JADE1: variants seen among roughly 807,000 people sequenced by gnomAD.
JADE1 encodes protein Jade-1.
In JADE1, 14 loss-of-function variants were observed where a neutral mutation model predicts 81.8. That is an observed-to-expected ratio of 0.17 (90% CI 0.11 to 0.27). JADE1 has a LOEUF of 0.27. Among genes scored for constraint, JADE1 ranks in the 10% least tolerant of loss-of-function variants. The pLI, the probability that JADE1 is intolerant of heterozygous loss-of-function variation, is 1.00. For synonymous variants in JADE1, 353 were observed against 391.9 expected (o/e 0.90, Z 1.17); for missense variants, 690 against 1,047.9 (o/e 0.66, Z 4.71).
intron 2 of JADE1, 60 bp downstream of exon 2, chr4:128,831,870 AT>A: frequency 6.9e-7 from 1 of 1,444,244 alleles, no homozygotes; most frequent in Non-Finnish European, 9.7e-7. Context: ...TAAAAACATG[AT>A]TTTTTAATGT....
chr4:128,812,971 T>C (rs1726615389), intron 1 of JADE1, among the ~76,000 whole-genome samples: 1 of 152,268 alleles, frequency 6.6e-6, no homozygotes. Context: ...CCAAAGGTTT[T>C]TTATTAGGTG....
At chr4:128,861,325 G>A (rs951157616) in intron 8 of JADE1, among the ~76,000 whole-genome samples, 1 of 152,236 alleles carries the variant, frequency 6.6e-6, no homozygotes, top group Non-Finnish European at 1.5e-5. Flanking sequence ...TTCTGAGGAA[G>A]TTAGGGTTTG....
At chr4:128,827,268 G>T (rs1358724260) in intron 1 of JADE1, among the ~76,000 whole-genome samples, 2 of 152,140 alleles carry the variant, frequency 1.3e-5, no homozygotes, top group African/African-American at 4.8e-5. Flanking sequence ...ATTTTTTTCA[G>T]TGATACTATT....
In JADE1 at chr4:128,867,861, G is replaced by A; in HGVS notation, c.1509G>A (p.Arg503=). The change falls in exon 10 of 11, where the codon CGG becomes CGA. Residue 503 remains arginine, a synonymous_variant. Transcript: ENST00000226319. ...THLRQDLERV[R]NLTYMVTRRE... ...CTTTATTCTCTACATTCTAGGTTCG[G>A]AACCTCACTTACATGGTGACCCGCA... is the stretch of plus-strand genomic sequence containing the variant. 11 of 1,608,536 alleles carry A rather than the reference G, an allele frequency of 6.8e-6. No individual in the cohort carries two copies. The highest frequency in any genetic ancestry group is 9.4e-6 in the Non-Finnish European group (11 of 1,175,160).
chr4:128,812,100 G>C (rs1326683928), intron 1 of JADE1: 1 of 152,036 alleles, frequency 6.6e-6, no homozygotes, highest in African/African-American at 2.4e-5. Context: ...AGCTGGCGGC[G>C]GCGGGGCGGG....
chr4:128,838,400 G>A (rs1452560996), intron 2 of JADE1, among the ~76,000 whole-genome samples: 4 of 152,142 alleles, frequency 2.6e-5, no homozygotes, highest in Non-Finnish European at 5.9e-5. Context: ...AATACTTTTA[G>A]ACATTATTAG....
chr4:128,840,238 G>A (rs999395417), intron 2 of JADE1, among the ~76,000 whole-genome samples: 2 of 152,166 alleles, frequency 1.3e-5, no homozygotes, highest in African/African-American at 4.8e-5. Flanking sequence ...GAAACTACTT[G>A]GGAGGGATCC....
intron 5 of JADE1, among the ~76,000 whole-genome samples, chr4:128,851,692 G>A (rs568686732): frequency 1.3e-5 from 2 of 152,206 alleles, no homozygotes; most frequent in Non-Finnish European, 2.9e-5. Context: ...ATTGAGACAC[G>A]GTCTTATGTC....
intron 4 of JADE1, among the ~76,000 whole-genome samples, chr4:128,847,178 C>T (rs1478087332): frequency 6.6e-6 from 1 of 152,224 alleles, no homozygotes; most frequent in East Asian, 1.9e-4. Context: ...CTCATTTCCT[C>T]ACTGTGCCAC....
intron 9 of JADE1, chr4:128,864,411 G>T (rs1560778645): frequency 2.0e-6 from 2 of 980,030 alleles, no homozygotes; most frequent in Non-Finnish European, 2.4e-6. Flanking sequence ...CTCCCAGAGT[G>T]TTGGGATTAC....
chr4:128,812,568 C>G (rs1264471625), intron 1 of JADE1, among the ~76,000 whole-genome samples: 1 of 152,082 alleles, frequency 6.6e-6, no homozygotes, highest in Non-Finnish European at 1.5e-5. Context: ...TCCCCTCGCC[C>G]CAGGATTCCT....
At chr4:128,864,926 A>G (rs190084976) in intron 9 of JADE1, 1 of 152,288 alleles carries the variant, frequency 6.6e-6, no homozygotes, top group East Asian at 1.9e-4. Flanking sequence ...TTAAGAAGAC[A>G]CAGTTGCTGA....
Position 128,875,080 on chromosome 4 carries a change from G to T in JADE1, c.*2818G>T, listed in dbSNP as rs970256954. Reference sequence around the variant, plus strand: ...TAGAGATGACTATTTTATATTACATGACCCAATCCTGTATTTATTTCTACC... The same window carrying T: ...TAGAGATGACTATTTTATATTACATTACCCAATCCTGTATTTATTTCTACC... On this transcript the variant is annotated 3_prime_UTR_variant, in exon 11 of 11. Coordinates refer to ENST00000226319, the MANE Select transcript of JADE1 (RefSeq NM_199320.4). 2.0e-5 allele frequency: 3 copies of T among 151,272 alleles called. No homozygotes were observed. The highest frequency in any genetic ancestry group is 7.3e-5 in the African/African-American group (3 of 41,116). The allele number at this position is 151,272 out of a possible 1,614,324, so 9.4% of individuals were successfully genotyped here. A position where few individuals can be genotyped will look rare whatever the true frequency, so the allele number is the denominator to read the frequency against.
At chr4:128,860,656 G>C (rs1731245285) in intron 8 of JADE1, among the ~76,000 whole-genome samples, 1 of 152,218 alleles carries the variant, frequency 6.6e-6, no homozygotes, top group Non-Finnish European at 1.5e-5. Flanking sequence ...GATTTGCTCA[G>C]CAAGATCAGT....
At chr4:128,841,264 G>A (rs1360405627) in intron 2 of JADE1, among the ~76,000 whole-genome samples, 1 of 152,138 alleles carries the variant, frequency 6.6e-6, no homozygotes, top group Non-Finnish European at 1.5e-5. Flanking sequence ...AATAGGAGGT[G>A]GAGGTGAATT....
intron 1 of JADE1, among the ~76,000 whole-genome samples, chr4:128,824,426 T>A (rs1234716516): frequency 1.0e-5 from 1 of 99,188 alleles, no homozygotes; most frequent in African/African-American, 3.8e-5. Context: ...TCAAAAAAAA[T>A]AAAATAAAAG....
chr4:128,811,027 A>T (rs1314371656), intron 1 of JADE1, among the ~76,000 whole-genome samples: 1 of 152,210 alleles, frequency 6.6e-6, no homozygotes, highest in East Asian at 1.9e-4. Context: ...TGCAAGTTGC[A>T]GAGCCCTTCA....
intron 1 of JADE1, among the ~76,000 whole-genome samples, chr4:128,821,261 A>T (rs1483925702): frequency 6.6e-6 from 1 of 152,218 alleles, no homozygotes; most frequent in Non-Finnish European, 1.5e-5. Flanking sequence ...ACGCGGAATA[A>T]GACATATAGG....
intron 6 of JADE1, among the ~76,000 whole-genome samples, chr4:128,853,139 G>A (rs993375219): frequency 3.3e-5 from 5 of 152,144 alleles, no homozygotes; most frequent in African/African-American, 4.8e-5. Context: ...GCCTTCCAAA[G>A]TGCTGGGATT....
Sources: gnomAD v4.1 joint callset for allele counts (sites outside exome capture counted in the v4.1 genomes callset) on GRCh38, gnomAD v4.1.1 for gene constraint, MANE v1.5 for transcripts, NCBI Gene and HGNC (gene_info 2026-07-23, HGNC 2026-07-21) for gene names.